The following LPP variants were observed in gnomAD, a reference collection of about 807,000 sequenced individuals.
LPP encodes the protein LIM domain containing preferred translocation partner in lipoma.
In LPP, 38 loss-of-function variants were observed where a neutral mutation model predicts 60.4. That is an observed-to-expected ratio of 0.63 (90% CI 0.49 to 0.83). The LOEUF is 0.83. Ranked by LOEUF, LPP falls within the 40% of genes least tolerant of loss-of-function variation. The pLI is 0.00. For synonymous variants in LPP, 328 were observed against 290.8 expected, an observed-to-expected ratio of 1.13 and a Z score of -1.30; for missense variants, 902 against 783.6, an observed-to-expected ratio of 1.15 and a Z score of -1.80.
chr3:188,179,357 G>A (rs556573480), intron 1 of LPP: 9 of 458,024 alleles, frequency 2.0e-5, no homozygotes, highest in African/African-American at 1.2e-4. Context: ...CTAGGCCCCC[G>A]CCTTCAGCTC....
chr3:188,382,049 G>C (rs1777052918), intron 3 of LPP, among the ~76,000 whole-genome samples: 1 of 151,806 alleles, frequency 6.6e-6, no homozygotes, highest in South Asian at 2.1e-4. Flanking sequence ...CAGCCTCCCA[G>C]TGTGGTGGGA....
chr3:188,889,763 T>C lies in LPP; in HGVS notation c.*15284T>C, dbSNP rs115853665. The C allele has an allele frequency of 1.8e-3, 390 of 218,734 alleles. 2 individuals are homozygous for C. The highest frequency in any genetic ancestry group is 8.2e-3 in the African/African-American group (368 of 44,698). 13.5% of individuals were successfully genotyped at this position (218,734 alleles called of 1,614,324 possible). A position where few individuals can be genotyped will look rare whatever the true frequency, so the allele number is the denominator to read the frequency against. Reference sequence around the variant, plus strand: ...AATTTCAAGAGTGTGACCACCCTGCTCTAGTCATCATCATTGGATGAATCC... The same window carrying C: ...AATTTCAAGAGTGTGACCACCCTGCCCTAGTCATCATCATTGGATGAATCC... On this transcript the variant is annotated 3_prime_UTR_variant, in exon 12 of 12. Transcript: ENST00000617246.
chr3:188,230,011 G>C (rs1466555642), intron 2 of LPP, among the ~76,000 whole-genome samples: 2 of 152,130 alleles, frequency 1.3e-5, no homozygotes, highest in African/African-American at 2.4e-5. Context: ...TGTGAATTAG[G>C]CTTAGTCCCT....
At chr3:188,731,566 A>T (rs1720610616) in intron 8 of LPP, among the ~76,000 whole-genome samples, 1 of 89,926 alleles carries the variant, frequency 1.1e-5, no homozygotes, top group Non-Finnish European at 2.8e-5. Context: ...TGTGTCCCCC[A>T]GGCTGGAGTG....
intron 8 of LPP, among the ~76,000 whole-genome samples, chr3:188,757,679 T>C (rs1018799389): frequency 6.6e-6 from 1 of 152,138 alleles, no homozygotes; most frequent in Non-Finnish European, 1.5e-5. Flanking sequence ...TTTGTTGACC[T>C]GCCTGCATTT....
intron 6 of LPP, among the ~76,000 whole-genome samples, chr3:188,595,706 T>C (rs1262398766): frequency 6.6e-6 from 1 of 152,206 alleles, no homozygotes; most frequent in Non-Finnish European, 1.5e-5. Flanking sequence ...GAAAGATTAT[T>C]TGTGGGACCA....
chr3:188,466,305 CTTACAG>C (rs1800357372), intron 4 of LPP, among the ~76,000 whole-genome samples: 1 of 152,122 alleles, frequency 6.6e-6, no homozygotes, highest in African/African-American at 2.4e-5. Flanking sequence ...AAAGTGCCTA[CTTACAG>C]TTAGGTTAAC....
At chr3:188,698,386 A>G (rs1863724022) in intron 7 of LPP, among the ~76,000 whole-genome samples, 1 of 152,120 alleles carries the variant, frequency 6.6e-6, no homozygotes, top group Non-Finnish European at 1.5e-5. Context: ...TATAACATCC[A>G]TAAAGCCTAA....
At chr3:188,670,861 A>T (rs923059732) in intron 7 of LPP, among the ~76,000 whole-genome samples, 2 of 152,212 alleles carry the variant, frequency 1.3e-5, no homozygotes, top group African/African-American at 4.8e-5. Context: ...TTGGAGCGCT[A>T]CCATGATTAA....
At chr3:188,805,562 G>A (rs191779219) in intron 9 of LPP, among the ~76,000 whole-genome samples, 120 of 151,406 alleles carry the variant, frequency 7.9e-4, no homozygotes, top group African/African-American at 2.8e-3. Context: ...TGGTTTCACT[G>A]AGATTTTCTC....
At chr3:188,422,291 T>C (rs1424934765) in intron 4 of LPP, among the ~76,000 whole-genome samples, 1 of 152,154 alleles carries the variant, frequency 6.6e-6, no homozygotes, top group Non-Finnish European at 1.5e-5. Context: ...ACAGCACGGT[T>C]TTCAAAAACA....
chr3:188,625,561 T>G (rs1040389256), intron 7 of LPP, among the ~76,000 whole-genome samples: 13 of 152,128 alleles, frequency 8.5e-5, no homozygotes, highest in Non-Finnish European at 1.9e-4. Flanking sequence ...GTTTTCCAAT[T>G]TTTCATACTA....
At chr3:188,210,257 G>C (rs1160506601) in intron 1 of LPP, among the ~76,000 whole-genome samples, 1 of 151,940 alleles carries the variant, frequency 6.6e-6, no homozygotes, top group Non-Finnish European at 1.5e-5. Context: ...GGTATCTCAG[G>C]GGTCCTGGAA....
chr3:188,297,724 T>C (rs1210329087), intron 2 of LPP, among the ~76,000 whole-genome samples: 1 of 152,244 alleles, frequency 6.6e-6, no homozygotes, highest in African/African-American at 2.4e-5. Flanking sequence ...ATTACCCAGC[T>C]TAATCCTTAA....
chr3:188,731,529 T>TTGTTTTGTTTTGTTTTGTTTTGTTC (rs1270111674), intron 8 of LPP, among the ~76,000 whole-genome samples: 1 of 151,752 alleles, frequency 6.6e-6, no homozygotes, highest in Non-Finnish European at 1.5e-5. Context: ...TTGTTTTGTT[T>TTGTTTTGTTTTGTTTTGTTTTGTTC]TGTTTTGTTT....
At chr3:188,736,381 A>G (rs1174300169) in intron 8 of LPP, among the ~76,000 whole-genome samples, 1 of 152,206 alleles carries the variant, frequency 6.6e-6, no homozygotes, top group Non-Finnish European at 1.5e-5. Context: ...GAGAAAGACA[A>G]GGAATGTAAA....
At chr3:188,491,870 G>A in intron 5 of LPP, among the ~76,000 whole-genome samples, 1 of 152,216 alleles carries the variant, frequency 6.6e-6, no homozygotes, top group Non-Finnish European at 1.5e-5. Context: ...ATTTCATTTA[G>A]CATTAGGAAA....
chr3:188,342,352 A>C (rs1763274512), intron 3 of LPP, among the ~76,000 whole-genome samples: 1 of 152,242 alleles, frequency 6.6e-6, no homozygotes, highest in Non-Finnish European at 1.5e-5. Flanking sequence ...CCTTGGCAGA[A>C]GAATACATTT....
intron 3 of LPP, among the ~76,000 whole-genome samples, chr3:188,354,800 A>G (rs1767019193): frequency 6.9e-6 from 1 of 145,478 alleles, no homozygotes. Context: ...TTAATCAATG[A>G]ACACACACAC....
Sources: gnomAD v4.1 joint callset for allele counts (sites outside exome capture counted in the v4.1 genomes callset) on GRCh38, gnomAD v4.1.1 for gene constraint, MANE v1.5 for transcripts, NCBI Gene and HGNC (gene_info 2026-07-23, HGNC 2026-07-21) for gene names.